Variants in RYR3 observed in about 807,000 individuals in gnomAD.
RYR3 encodes the protein ryanodine receptor 3.
Under a neutral mutation model 584.3 loss-of-function variants are expected in RYR3, and 207 were observed. The ratio of observed to expected loss-of-function variants is 0.35; its 90% confidence interval spans 0.32 to 0.40. The LOEUF is 0.40. Among genes scored for constraint, RYR3 ranks in the 10% least tolerant of loss-of-function variants. The pLI, the probability that RYR3 is intolerant of heterozygous loss-of-function variation, is 1.00. For missense variants in RYR3, 5,616 were observed against 6,089.2 expected (o/e 0.92, Z 2.59); for synonymous variants, 2,416 against 2,248.5 (o/e 1.07, Z -2.11).
chr15:33,865,109 C>T lies in RYR3; in HGVS notation c.14518-22C>T, dbSNP rs762707943. ...TTTTACTGTGGTTTAAAAATAAGCACCCGTTGTTCATATTATTTCAGGAAT... is the reference window on the plus strand; with the variant it reads ...TTTTACTGTGGTTTAAAAATAAGCATCCGTTGTTCATATTATTTCAGGAAT... On this transcript the variant is annotated intron_variant, in intron 103 of 103. Transcript: ENST00000634891. 2.5e-6 allele frequency: 4 copies of T among 1,578,214 alleles called. No homozygotes were observed. In the South Asian group the frequency reaches 3.3e-5, roughly 13 times the overall value.
At chr15:33,757,683 T>C in intron 60 of RYR3, 87 bp downstream of exon 60, 1 of 1,423,720 alleles carries the variant, frequency 7.0e-7, no homozygotes, top group Non-Finnish European at 9.6e-7. Flanking sequence ...GGCGAGTCTT[T>C]TGGAGAAATG....
At chr15:33,549,620 G>T (rs1442996720) in intron 9 of RYR3, among the ~76,000 whole-genome samples, 5 of 152,108 alleles carry the variant, frequency 3.3e-5, no homozygotes, top group African/African-American at 1.2e-4. Context: ...CTTTTATCCT[G>T]CTTTACTTAT....
chr15:33,674,389 A>G (rs1202396284), intron 38 of RYR3, among the ~76,000 whole-genome samples: 1 of 152,146 alleles, frequency 6.6e-6, no homozygotes, highest in Non-Finnish European at 1.5e-5. Context: ...TTTCAAACTC[A>G]TTCTTTTTCC....
At chr15:33,861,473 A>G (rs1237559427) in intron 102 of RYR3, among the ~76,000 whole-genome samples, 1 of 118,592 alleles carries the variant, frequency 8.4e-6, no homozygotes, top group Non-Finnish European at 1.9e-5. Context: ...ATCACCATAT[A>G]AATATGCTTT....
intron 48 of RYR3, among the ~76,000 whole-genome samples, 152 bp downstream of exon 48, chr15:33,731,846 C>T (rs1176410647): frequency 1.3e-5 from 2 of 152,178 alleles, no homozygotes. Context: ...AGGATGTGCT[C>T]GGCTCCCCTA....
chr15:33,474,941 A>G lies in RYR3; in HGVS notation c.171+1403A>G, dbSNP rs1320892983. 2.0e-5 allele frequency among the ~76,000 whole-genome samples: 3 copies of G among 152,178 alleles called. No individual in the cohort carries two copies. In the East Asian group the frequency reaches 5.8e-4, roughly 29 times the overall value. On this transcript the variant is annotated intron_variant, in intron 2 of 103. Coordinates refer to ENST00000634891, the MANE Select transcript of RYR3 (RefSeq NM_001036.6). Reference sequence around the variant, plus strand: ...ATGAACCAGAGTCCCATTAAAATATATGGGATAGAAGAGAGACAAGGAAAA... The same window carrying G: ...ATGAACCAGAGTCCCATTAAAATATGTGGGATAGAAGAGAGACAAGGAAAA...
chr15:33,547,025 T>A (rs1041525971), intron 8 of RYR3, among the ~76,000 whole-genome samples: 1 of 152,208 alleles, frequency 6.6e-6, no homozygotes, highest in Admixed American at 6.5e-5. Context: ...GGATTCAGTA[T>A]ACCAGGTAAT....
intron 14 of RYR3, among the ~76,000 whole-genome samples, chr15:33,583,787 C>G (rs1270545934): frequency 6.6e-6 from 1 of 152,094 alleles, no homozygotes; most frequent in Non-Finnish European, 1.5e-5. Flanking sequence ...CATGGTAGCT[C>G]GCTCCTGTAA....
At chr15:33,634,433 A>G (rs2061409337) in intron 24 of RYR3, among the ~76,000 whole-genome samples, 153 bp from the exon 25 acceptor site, 1 of 152,208 alleles carries the variant, frequency 6.6e-6, no homozygotes, top group Non-Finnish European at 1.5e-5. Context: ...AAGTGGCAAT[A>G]TGTACATTGC....
intron 2 of RYR3, among the ~76,000 whole-genome samples, chr15:33,492,321 G>GA (rs1453610484): frequency 1.3e-5 from 2 of 152,098 alleles, no homozygotes; most frequent in East Asian, 3.8e-4. Flanking sequence ...CCATTTTGGA[G>GA]AAAAATATTT....
intron 63 of RYR3, among the ~76,000 whole-genome samples, chr15:33,772,978 C>T (rs1378429224): frequency 6.6e-6 from 1 of 152,200 alleles, no homozygotes; most frequent in Non-Finnish European, 1.5e-5. Context: ...AAAACATGCC[C>T]TTCCCCTAGG....
chr15:33,511,116 T>C (rs2052945245), intron 3 of RYR3, among the ~76,000 whole-genome samples: 1 of 152,138 alleles, frequency 6.6e-6, no homozygotes, highest in African/African-American at 2.4e-5. Flanking sequence ...TGACCATTTT[T>C]CTTGGGTGGA....
At chr15:33,357,197 C>A (rs1430563247) in intron 1 of RYR3, among the ~76,000 whole-genome samples, 3 of 152,164 alleles carry the variant, frequency 2.0e-5, no homozygotes, top group African/African-American at 4.8e-5. Flanking sequence ...CTTATCAGAC[C>A]TGAATTATGT....
intron 67 of RYR3, among the ~76,000 whole-genome samples, chr15:33,794,349 A>ATATATATATGTG (rs2075450368): frequency 2.9e-5 from 3 of 102,476 alleles, no homozygotes; most frequent in South Asian, 3.2e-4. Flanking sequence ...ATATATAAAA[A>ATATATATATGTG]TATATATATA....
chr15:33,725,974 C>CCAG (rs571518638), intron 45 of RYR3, among the ~76,000 whole-genome samples: 2 of 37,622 alleles, frequency 5.3e-5, no homozygotes, highest in African/African-American at 7.3e-5. Context: ...CATCCCCCCC[C>CCAG]CCAAAAAAAA....
chr15:33,362,369 C>T (rs571937830), intron 1 of RYR3, among the ~76,000 whole-genome samples: 50 of 152,226 alleles, frequency 3.3e-4, no homozygotes, highest in Non-Finnish European at 5.3e-4. Context: ...GGGCCTGGCA[C>T]ACAGCAACCA....
intron 58 of RYR3, 131 bp from the exon 59 acceptor site, chr15:33,756,175 G>A: frequency 1.4e-6 from 1 of 709,958 alleles, no homozygotes. Flanking sequence ...AAAGTACTTT[G>A]TAAGATATAT....
At chr15:33,383,330 G>T (rs2041337772) in intron 1 of RYR3, among the ~76,000 whole-genome samples, 1 of 148,312 alleles carries the variant, frequency 6.7e-6, no homozygotes, top group Non-Finnish European at 1.5e-5. Flanking sequence ...GGAAAAAATA[G>T]AAAAAGGCCA....
chr15:33,731,430 G>T lies in RYR3; in HGVS notation c.7204-44G>T, dbSNP rs914736994. On this transcript the variant is annotated intron_variant, in intron 47 of 103. Transcript: ENST00000634891. ...CTCTGTGCAGAGCCAGCTTTGCTCT[G>T]TTCCTCAGGGCAATTAACCTGTGTC... 6.2e-6 allele frequency: 9 copies of T among 1,447,448 alleles called. No individual in the cohort carries two copies. The African/African-American group carries it at 8.4e-5, about 14-fold the overall frequency. The allele number at this position is 1,447,448 out of a possible 1,614,324, so 89.7% of individuals were successfully genotyped here.
Sources: allele counts gnomAD v4.1 joint callset (sites outside exome capture counted in the v4.1 genomes callset), GRCh38; gene constraint gnomAD v4.1.1; transcripts MANE v1.5; gene names NCBI Gene and HGNC (gene_info 2026-07-23, HGNC 2026-07-21).